NPAS3: variants seen among roughly 807,000 people sequenced by gnomAD.
NPAS3 encodes the protein neuronal PAS domain-containing protein 3.
A neutral mutation model predicts 73.1 loss-of-function variants in NPAS3; 14 were observed. The ratio of observed to expected loss-of-function variants is 0.19; its 90% confidence interval spans 0.13 to 0.30. NPAS3 has a LOEUF of 0.30. Ranked by LOEUF, NPAS3 falls within the 10% of genes least tolerant of loss-of-function variation. NPAS3 has a pLI of 1.00. For synonymous variants in NPAS3, 620 were observed against 541.5 expected (o/e 1.14, Z -2.01); for missense variants, 1,096 against 1,250.0 (o/e 0.88, Z 1.86).
chr14:33,009,525 G>A (rs1410364295), intron 1 of NPAS3, among the ~76,000 whole-genome samples: 2 of 152,064 alleles, frequency 1.3e-5, no homozygotes, highest in Non-Finnish European at 2.9e-5. Flanking sequence ...TAATGATGAC[G>A]GTGGCAACAA....
chr14:33,466,378 A>G (rs910660293), intron 4 of NPAS3, among the ~76,000 whole-genome samples: 2 of 152,216 alleles, frequency 1.3e-5, no homozygotes, highest in South Asian at 2.1e-4. Flanking sequence ...ATTTGTTTTA[A>G]CCTCTTAACA....
At chr14:33,195,823 G>A (rs2046332160) in intron 2 of NPAS3, among the ~76,000 whole-genome samples, 1 of 152,206 alleles carries the variant, frequency 6.6e-6, no homozygotes, top group South Asian at 2.1e-4. Flanking sequence ...ACTGGATCCT[G>A]AAGGAAAGTC....
intron 3 of NPAS3, among the ~76,000 whole-genome samples, chr14:33,292,500 T>A (rs1254123879): frequency 6.6e-6 from 1 of 152,184 alleles, no homozygotes; most frequent in Middle Eastern, 3.2e-3. Flanking sequence ...TTCATATTTC[T>A]ACTATAGATA....
chr14:33,126,118 C>T (rs2043417283), intron 2 of NPAS3, among the ~76,000 whole-genome samples: 1 of 152,194 alleles, frequency 6.6e-6, no homozygotes, highest in African/African-American at 2.4e-5. Flanking sequence ...TTTCAAACTG[C>T]AGTCCTCTCT....
At chr14:33,671,704 T>C (rs1205307261) in intron 5 of NPAS3, among the ~76,000 whole-genome samples, 1 of 152,244 alleles carries the variant, frequency 6.6e-6, no homozygotes, top group Admixed American at 6.5e-5. Context: ...AGTAAGTAAG[T>C]TCTCTTCCAG....
intron 5 of NPAS3, among the ~76,000 whole-genome samples, chr14:33,584,769 A>G (rs17393547): frequency 0.35 from 53,003 of 152,062 alleles, 9,632 homozygotes; most frequent in Middle Eastern, 0.43. Context: ...TCATCACAAT[A>G]GTGTTAGAGC....
intron 3 of NPAS3, among the ~76,000 whole-genome samples, chr14:33,308,228 C>A (rs1040926785): frequency 1.3e-5 from 2 of 152,054 alleles, no homozygotes; most frequent in Non-Finnish European, 2.9e-5. Context: ...AAGGCTGTGA[C>A]AGTGAGAATG....
At chr14:33,158,000 T>C (rs1220757375) in intron 2 of NPAS3, among the ~76,000 whole-genome samples, 1 of 152,212 alleles carries the variant, frequency 6.6e-6, no homozygotes, top group Non-Finnish European at 1.5e-5. Context: ...ACTAATTGCA[T>C]GTAAAAAGTA....
chr14:33,419,879 C>A (rs534386855), intron 4 of NPAS3, among the ~76,000 whole-genome samples: 2 of 151,874 alleles, frequency 1.3e-5, no homozygotes, highest in Non-Finnish European at 2.9e-5. Flanking sequence ...GCAATTGATA[C>A]CCAAGTGGAG....
chr14:33,667,591 G>GAGAGA (rs1334006226), intron 5 of NPAS3, among the ~76,000 whole-genome samples: 2 of 152,124 alleles, frequency 1.3e-5, no homozygotes, highest in African/African-American at 4.8e-5. Context: ...ATAGCACCTA[G>GAGAGA]AGAGTGTTTA....
intron 3 of NPAS3, among the ~76,000 whole-genome samples, chr14:33,357,639 C>T (rs1383056559): frequency 6.6e-6 from 1 of 152,152 alleles, no homozygotes; most frequent in Non-Finnish European, 1.5e-5. Flanking sequence ...CGGGCTGGGC[C>T]CTGTGCTCTA....
chr14:33,221,155 T>C (rs2047411524), intron 3 of NPAS3, among the ~76,000 whole-genome samples: 1 of 152,110 alleles, frequency 6.6e-6, no homozygotes, highest in African/African-American at 2.4e-5. Flanking sequence ...CAGCACCTAT[T>C]TGGAAGTAGT....
At chr14:33,222,044 A>G (rs919672757) in intron 3 of NPAS3, among the ~76,000 whole-genome samples, 2 of 152,186 alleles carry the variant, frequency 1.3e-5, no homozygotes, top group Admixed American at 1.3e-4. Context: ...ACAGCTGTGT[A>G]GAAATATGAC....
intron 3 of NPAS3, among the ~76,000 whole-genome samples, chr14:33,292,393 G>A (rs907764389): frequency 9.2e-5 from 14 of 152,138 alleles, no homozygotes; most frequent in South Asian, 8.3e-4. Flanking sequence ...GCCTGGACAC[G>A]TGAACTCCCT....
At chr14:33,767,594 C>A in intron 7 of NPAS3, among the ~76,000 whole-genome samples, 1 of 90,050 alleles carries the variant, frequency 1.1e-5, no homozygotes, top group African/African-American at 5.2e-5. Flanking sequence ...CCCAGGGACT[C>A]TTGTCTTTTT....
At chr14:33,384,408 TTC>T (rs895078321) in intron 4 of NPAS3, among the ~76,000 whole-genome samples, 3 of 151,494 alleles carry the variant, frequency 2.0e-5, no homozygotes, top group African/African-American at 7.3e-5. Context: ...TTTTTAATGT[TTC>T]TGTGTTTTTT....
chr14:32,960,801 A>C (rs1162811221), intron 1 of NPAS3, among the ~76,000 whole-genome samples: 1 of 152,222 alleles, frequency 6.6e-6, no homozygotes, highest in Non-Finnish European at 1.5e-5. Flanking sequence ...ATCATTTAAG[A>C]AATAGTAGCA....
At chr14:33,633,731 G>A (rs2058440175) in intron 5 of NPAS3, among the ~76,000 whole-genome samples, 1 of 152,154 alleles carries the variant, frequency 6.6e-6, no homozygotes, top group South Asian at 2.1e-4. Flanking sequence ...TATAATCCCA[G>A]CACCTTGGGA....
intron 3 of NPAS3, among the ~76,000 whole-genome samples, chr14:33,350,128 A>G (rs2044963164): frequency 6.6e-6 from 1 of 152,176 alleles, no homozygotes; most frequent in African/African-American, 2.4e-5. Flanking sequence ...GTACTTTGTT[A>G]TCAAATTCAC....
Sources: allele counts gnomAD v4.1 joint callset (sites outside exome capture counted in the v4.1 genomes callset), GRCh38; gene constraint gnomAD v4.1.1; transcripts MANE v1.5; gene names NCBI Gene and HGNC (gene_info 2026-07-23, HGNC 2026-07-21).